Variants in SOX5 observed in about 807,000 individuals in gnomAD.
SOX5 encodes SRY-box transcription factor 5, also known as transcription factor SOX-5.
Under a neutral mutation model 92.0 loss-of-function variants are expected in SOX5, and 9 were observed. That is an observed-to-expected ratio of 0.10 (90% CI 0.06 to 0.17). SOX5 has a LOEUF of 0.17. SOX5 is among the 10% of genes least tolerant of loss of function. The probability of loss-of-function intolerance (pLI) is 1.00; values close to 1 mark genes in which losing one functional copy is unlikely to be tolerated. For synonymous variants in SOX5, 344 were observed against 336.3 expected, an observed-to-expected ratio of 1.02 and a Z score of -0.25; for missense variants, 642 against 944.5, an observed-to-expected ratio of 0.68 and a Z score of 4.20.
At chr12:24,547,064 A>G (rs1168476216) in intron 1 of SOX5, among the ~76,000 whole-genome samples, 2 of 152,260 alleles carry the variant, frequency 1.3e-5, no homozygotes, top group East Asian at 3.8e-4. Flanking sequence ...TAACAACAAA[A>G]AAAGAAATTA....
intron 9 of SOX5, chr12:23,584,561 C>G (rs1212800194): frequency 6.2e-7 from 1 of 1,610,450 alleles, no homozygotes; most frequent in African/African-American, 1.3e-5. Context: ...ATGCACAGCT[C>G]CTATGGCACA....
At chr12:24,453,060 A>T (rs919084676) in intron 1 of SOX5, among the ~76,000 whole-genome samples, 1 of 152,162 alleles carries the variant, frequency 6.6e-6, no homozygotes, top group African/African-American at 2.4e-5. Context: ...TTAAATATTT[A>T]TTCTAGATTT....
Position 23,846,103 on chromosome 12 carries a change from C to T in SOX5, c.361G>A (p.Gly121Ser), listed in dbSNP as rs1228608281. The change falls in exon 3 of 15, where the codon GGC becomes AGC. Residue 121 changes from glycine to serine, a missense_variant. By Grantham distance (56) the Gly-to-Ser change is moderately conservative (BLOSUM62 0). Coordinates refer to ENST00000451604, the MANE Select transcript of SOX5 (RefSeq NM_006940.6). ...QKAEEGGRQS[G>S]ESLSSTALGT... ...AGGGCTGTACTAGACAAGGACTCGC[C>T]ACTCTGTCGCCCACCTTCTTCTGCC... The T allele has an allele frequency of 3.1e-6, 5 of 1,614,102 alleles. No individual in the cohort carries two copies. Among genetic ancestry groups the T allele is most frequent in the Non-Finnish European group, 2.5e-6 (3 of 1,179,990 alleles).
chr12:23,584,392 C>T (rs11046991), intron 9 of SOX5, among the ~76,000 whole-genome samples: 36,199 of 152,032 alleles, frequency 0.24, 4,928 homozygotes, highest in Middle Eastern at 0.32. Context: ...TTTCTCAGAT[C>T]TTTGAAAAGT....
At chr12:23,673,247 T>C (rs1229868602) in intron 6 of SOX5, among the ~76,000 whole-genome samples, 2 of 152,174 alleles carry the variant, frequency 1.3e-5, no homozygotes, top group Non-Finnish European at 2.9e-5. Context: ...ATTATTCTAA[T>C]ATATAGCTAT....
In SOX5 at chr12:24,160,067, GA is replaced by G. The variant is rs201159026; in HGVS notation, c.-2+53275del. On this transcript the variant is annotated intron_variant, in intron 4 of 4. Coordinates refer to the SOX5 transcript ENST00000446891. ...ATATAGATCACTCCCTCGAACAATAGAAAAAAAAAATTAACATCTTAGCTTT... is the reference window on the plus strand; with the variant it reads ...ATATAGATCACTCCCTCGAACAATAGAAAAAAAAATTAACATCTTAGCTTT... Among the ~76,000 whole-genome samples, 178 of 148,118 alleles carry G rather than the reference GA, an allele frequency of 1.2e-3. No individual in the cohort carries two copies. In the East Asian group the frequency reaches 0.022, roughly 18 times the overall value.
At chr12:24,407,757 T>C (rs1217314256) in intron 1 of SOX5, among the ~76,000 whole-genome samples, 1 of 151,900 alleles carries the variant, frequency 6.6e-6, no homozygotes, top group Non-Finnish European at 1.5e-5. Flanking sequence ...AGATACGGAG[T>C]GATCAGCAGA....
At chr12:24,296,561 A>T (rs1174859710) in intron 2 of SOX5, among the ~76,000 whole-genome samples, 1 of 152,206 alleles carries the variant, frequency 6.6e-6, no homozygotes, top group Non-Finnish European at 1.5e-5. Context: ...GGATATTTAT[A>T]CTGTAAAACT....
intron 4 of SOX5, among the ~76,000 whole-genome samples, chr12:24,107,692 G>C (rs540745992): frequency 2.0e-5 from 3 of 152,320 alleles, no homozygotes; most frequent in Admixed American, 2.0e-4. Flanking sequence ...TGAAGACCTT[G>C]ATATGACGAA....
chr12:24,465,434 C>CA (rs1351646233), intron 1 of SOX5, among the ~76,000 whole-genome samples: 7 of 152,152 alleles, frequency 4.6e-5, no homozygotes, highest in Non-Finnish European at 1.0e-4. Flanking sequence ...TTCAATCAGC[C>CA]ATTTTATTAA....
chr12:23,619,137 A>G (rs1251169895), intron 8 of SOX5, among the ~76,000 whole-genome samples: 2 of 152,146 alleles, frequency 1.3e-5, no homozygotes, highest in Non-Finnish European at 2.9e-5. Flanking sequence ...TTCCGCTCTT[A>G]CTTTTTTCTT....
chr12:24,098,174 T>C (rs947889793), intron 4 of SOX5, among the ~76,000 whole-genome samples: 2 of 152,176 alleles, frequency 1.3e-5, no homozygotes, highest in African/African-American at 4.8e-5. Context: ...GTGAGTACTT[T>C]ATTGCTAATA....
intron 1 of SOX5, among the ~76,000 whole-genome samples, chr12:23,927,993 T>G (rs1252240159): frequency 6.6e-6 from 1 of 151,990 alleles, no homozygotes; most frequent in Non-Finnish European, 1.5e-5. Context: ...TCTCCAGTAG[T>G]AAGAGCATCA....
At chr12:24,432,648 C>T (rs1380533393) in intron 1 of SOX5, among the ~76,000 whole-genome samples, 2 of 152,032 alleles carry the variant, frequency 1.3e-5, no homozygotes, top group African/African-American at 4.8e-5. Flanking sequence ...CCTGTCTCTA[C>T]TAAAAATACA....
intron 1 of SOX5, among the ~76,000 whole-genome samples, chr12:24,550,099 G>A (rs549353354): frequency 1.3e-5 from 2 of 152,330 alleles, no homozygotes; most frequent in South Asian, 4.1e-4. Flanking sequence ...ATGCTACTTT[G>A]AGCAAGCTCA....
intron 1 of SOX5, among the ~76,000 whole-genome samples, chr12:24,524,827 G>T (rs1329289084): frequency 2.0e-5 from 3 of 152,026 alleles, no homozygotes; most frequent in African/African-American, 4.8e-5. Context: ...GACTCGCCTG[G>T]GTAACATAGT....
chr12:23,781,802 C>A (rs939924988), intron 3 of SOX5, among the ~76,000 whole-genome samples: 1 of 151,826 alleles, frequency 6.6e-6, no homozygotes, highest in Admixed American at 6.6e-5. Flanking sequence ...CCTAAATCAA[C>A]GCAGGATCAA....
At chr12:23,607,383 T>C (rs2075372471) in intron 8 of SOX5, among the ~76,000 whole-genome samples, 1 of 152,150 alleles carries the variant, frequency 6.6e-6, no homozygotes, top group Non-Finnish European at 1.5e-5. Flanking sequence ...AACTTGGCCA[T>C]TTACAAGTTA....
chr12:24,225,103 G>A (rs1034292260), intron 3 of SOX5, among the ~76,000 whole-genome samples: 6 of 152,196 alleles, frequency 3.9e-5, no homozygotes, highest in Middle Eastern at 6.8e-3. Flanking sequence ...TGGTTATATC[G>A]AACACAAATT....
Sources: gnomAD v4.1 joint callset for allele counts (sites outside exome capture counted in the v4.1 genomes callset) on GRCh38, gnomAD v4.1.1 for gene constraint, MANE v1.5 for transcripts, NCBI Gene and HGNC (gene_info 2026-07-23, HGNC 2026-07-21) for gene names.